The following CFAP54 variants were observed in gnomAD, a reference collection of about 807,000 sequenced individuals.
CFAP54 encodes the protein cilia- and flagella-associated protein 54.
CFAP54 carries 290 observed loss-of-function variants against 370.4 expected under a neutral mutation model. That is an observed-to-expected ratio of 0.78 (90% CI 0.71 to 0.86). The LOEUF is 0.86. Among genes scored for constraint, CFAP54 ranks in the 40% least tolerant of loss-of-function variants. The pLI, the probability that CFAP54 is intolerant of heterozygous loss-of-function variation, is 0.00. For missense variants in CFAP54, 3,399 were observed against 3,528.7 expected, an observed-to-expected ratio of 0.96 and a Z score of 0.93; for synonymous variants, 1,206 against 1,236.5, an observed-to-expected ratio of 0.98 and a Z score of 0.52.
At chr12:96,766,904 C>T (rs1958406844) in intron 60 of CFAP54, among the ~76,000 whole-genome samples, 1 of 152,170 alleles carries the variant, frequency 6.6e-6, no homozygotes, top group African/African-American at 2.4e-5. Flanking sequence ...CCACTCAGCT[C>T]ATGTGTTCTG....
chr12:96,595,637 G>A (rs1378643863), intron 25 of CFAP54, among the ~76,000 whole-genome samples: 1 of 152,090 alleles, frequency 6.6e-6, no homozygotes, highest in Non-Finnish European at 1.5e-5. Context: ...GAGCATAGGT[G>A]TGTCTCCTCC....
intron 19 of CFAP54, among the ~76,000 whole-genome samples, chr12:96,567,272 G>A (rs1955873050): frequency 6.6e-6 from 1 of 152,176 alleles, no homozygotes; most frequent in African/African-American, 2.4e-5. Context: ...GAGTCGGGTG[G>A]GGGAGAGGAT....
intron 42 of CFAP54, among the ~76,000 whole-genome samples, chr12:96,685,545 T>G (rs1156608244): frequency 1.0e-5 from 1 of 99,256 alleles, no homozygotes; most frequent in Non-Finnish European, 1.9e-5. Flanking sequence ...TTGTTTTTTT[T>G]GTTGTTGTTT....
intron 50 of CFAP54, among the ~76,000 whole-genome samples, chr12:96,730,200 A>G (rs1234769378): frequency 6.6e-6 from 1 of 152,230 alleles, no homozygotes; most frequent in Non-Finnish European, 1.5e-5. Flanking sequence ...CCAAATTGAC[A>G]TCATCCATGA....
intron 61 of CFAP54, among the ~76,000 whole-genome samples, 194 bp from the exon 62 acceptor site, chr12:96,786,481 T>A (rs1420959691): frequency 1.3e-5 from 2 of 152,154 alleles, no homozygotes; most frequent in Non-Finnish European, 2.9e-5. Flanking sequence ...GCGCCTGGCC[T>A]GAAATTTTGT....
chr12:96,556,908 G>A (rs1196587800), intron 17 of CFAP54, among the ~76,000 whole-genome samples: 1 of 152,144 alleles, frequency 6.6e-6, no homozygotes, highest in Non-Finnish European at 1.5e-5. Flanking sequence ...TTCTGAGGGT[G>A]AAGGGTGGGA....
At chr12:96,777,021 G>A (rs192683781) in intron 60 of CFAP54, among the ~76,000 whole-genome samples, 71 of 152,156 alleles carry the variant, frequency 4.7e-4, no homozygotes, top group African/African-American at 1.7e-3. Flanking sequence ...CAGCACACCC[G>A]TCAGTTGTTT....
At chr12:96,812,323 CTG>C (rs1291307940) in intron 64 of CFAP54, among the ~76,000 whole-genome samples, 2 of 152,150 alleles carry the variant, frequency 1.3e-5, no homozygotes, top group Non-Finnish European at 2.9e-5. Flanking sequence ...ACCTTTCCCT[CTG>C]TGCCCAGTCA....
At chr12:96,811,490 A>G (rs542120874) in intron 63 of CFAP54, among the ~76,000 whole-genome samples, 107 of 152,326 alleles carry the variant, frequency 7.0e-4, no homozygotes, top group Non-Finnish European at 1.1e-3. Flanking sequence ...TAATTGCAAT[A>G]CAAAATGTCA....
intron 3 of CFAP54, among the ~76,000 whole-genome samples, chr12:96,506,632 G>C (rs1447471300): frequency 6.8e-6 from 1 of 147,596 alleles, no homozygotes; most frequent in Non-Finnish European, 1.5e-5. Context: ...TGTCACCCAG[G>C]CTGGAATGCA....
chr12:96,837,686 G>T (rs1959190706), intron 66 of CFAP54, among the ~76,000 whole-genome samples: 1 of 152,210 alleles, frequency 6.6e-6, no homozygotes, highest in South Asian at 2.1e-4. Context: ...GCCCTGGGCT[G>T]CAGTTCTAGT....
chr12:96,737,843 C>T (rs970420717), intron 50 of CFAP54, among the ~76,000 whole-genome samples: 1 of 152,046 alleles, frequency 6.6e-6, no homozygotes, highest in Non-Finnish European at 1.5e-5. Flanking sequence ...CATATGTACC[C>T]CTTCTGGGAG....
intron 11 of CFAP54, among the ~76,000 whole-genome samples, chr12:96,534,525 G>A (rs540215716): frequency 6.6e-6 from 1 of 152,236 alleles, no homozygotes; most frequent in Admixed American, 6.5e-5. Context: ...TTTACTTTCC[G>A]GCTTAGTTGG....
intron 15 of CFAP54, among the ~76,000 whole-genome samples, 197 bp downstream of exon 15, chr12:96,548,175 T>C (rs1051007267): frequency 6.6e-6 from 1 of 152,052 alleles, no homozygotes; most frequent in Non-Finnish European, 1.5e-5. Flanking sequence ...TGAAGCCCCA[T>C]TATAATTTAC....
chr12:96,740,185 G>A (rs1174232691), intron 51 of CFAP54, 124 bp downstream of exon 51: 9 of 606,950 alleles, frequency 1.5e-5, no homozygotes, highest in African/African-American at 3.8e-5. Context: ...TGAATTTGGA[G>A]TAAAAAGATT....
chr12:96,705,961 G>A lies in CFAP54; in HGVS notation c.6528+1165G>A, dbSNP rs142141671. 4.9e-3 allele frequency among the ~76,000 whole-genome samples: 750 copies of A among 151,854 alleles called. 5 individuals are homozygous for A. Among genetic ancestry groups the A allele is most frequent in the African/African-American group, 0.017 (708 of 41,438 alleles). On this transcript the variant is annotated intron_variant, in intron 47 of 67. Transcript: ENST00000524981. ...AAACAATGGAATTTTTTTTGTTTAC[G>A]TAAGGCAAATAGTTTCTCTTTTTTT...
intron 50 of CFAP54, among the ~76,000 whole-genome samples, chr12:96,738,465 C>G (rs998913185): frequency 6.6e-6 from 1 of 152,132 alleles, no homozygotes; most frequent in Non-Finnish European, 1.5e-5. Flanking sequence ...GAGAATCCTT[C>G]CTTGCCTCTT....
intron 60 of CFAP54, among the ~76,000 whole-genome samples, chr12:96,781,870 GAACT>G (rs948532195): frequency 3.9e-5 from 6 of 152,024 alleles, no homozygotes; most frequent in African/African-American, 1.2e-4. Context: ...TTAAGAGTTG[GAACT>G]AACTATTAGA....
chr12:96,499,638 A>G (rs1955001535), intron 1 of CFAP54, among the ~76,000 whole-genome samples: 1 of 152,156 alleles, frequency 6.6e-6, no homozygotes, highest in Non-Finnish European at 1.5e-5. Context: ...TTGAAAACTT[A>G]TGTCCATATA....
Sources: gnomAD v4.1 joint callset for allele counts (sites outside exome capture counted in the v4.1 genomes callset) on GRCh38, gnomAD v4.1.1 for gene constraint, MANE v1.5 for transcripts, NCBI Gene and HGNC (gene_info 2026-07-23, HGNC 2026-07-21) for gene names.